Variants in PTPRN2 observed in about 807,000 individuals in gnomAD.
PTPRN2 encodes the protein receptor-type tyrosine-protein phosphatase N2.
PTPRN2 carries 74 observed loss-of-function variants against 118.8 expected under a neutral mutation model. The observed-to-expected ratio is 0.62, with a 90% CI of 0.52 to 0.76. The LOEUF (loss-of-function observed/expected upper bound fraction) is 0.76, where lower values mean the gene tolerates loss of function less well. Ranked by LOEUF, PTPRN2 falls within the 30% of genes least tolerant of loss-of-function variation. The probability of loss-of-function intolerance (pLI) is 0.00; values close to 1 mark genes in which losing one functional copy is unlikely to be tolerated. For synonymous variants in PTPRN2, 641 were observed against 608.0 expected (o/e 1.05, Z -0.80); for missense variants, 1,481 against 1,394.4 (o/e 1.06, Z -0.99).
intron 11 of PTPRN2, among the ~76,000 whole-genome samples, chr7:157,962,624 A>G (rs1392274263): frequency 2.0e-5 from 3 of 152,242 alleles, no homozygotes; most frequent in South Asian, 4.1e-4. Flanking sequence ...GGTCAGGTGC[A>G]GCCTGCACAT....
At chr7:158,411,557 G>A (rs149107186) in intron 2 of PTPRN2, among the ~76,000 whole-genome samples, 120 of 152,298 alleles carry the variant, frequency 7.9e-4, no homozygotes, top group South Asian at 3.9e-3. Flanking sequence ...CCCTTCCCGT[G>A]GGAGATGGGA....
At chr7:158,216,663 C>G (rs1030267287) in intron 3 of PTPRN2, among the ~76,000 whole-genome samples, 15 of 151,944 alleles carry the variant, frequency 9.9e-5, no homozygotes, top group African/African-American at 3.6e-4. Context: ...GAAGATACAG[C>G]AATCCTATAT....
chr7:158,327,372 CACATT>C (rs1237158172), intron 2 of PTPRN2, among the ~76,000 whole-genome samples: 75 of 126,870 alleles, frequency 5.9e-4, no homozygotes, highest in South Asian at 4.4e-3. Context: ...TTGTCACACA[CACATT>C]ATCACATGCA....
chr7:157,878,423 G>A (rs1395966699), intron 12 of PTPRN2, among the ~76,000 whole-genome samples: 11 of 140,834 alleles, frequency 7.8e-5, no homozygotes, highest in Non-Finnish European at 1.4e-4. Flanking sequence ...GTGTGATACC[G>A]TGCACCCACG....
chr7:158,062,484 C>T (rs1245822031), intron 11 of PTPRN2, among the ~76,000 whole-genome samples: 9 of 152,234 alleles, frequency 5.9e-5, no homozygotes, highest in Admixed American at 5.9e-4. Flanking sequence ...CTTGAGGAGC[C>T]CTTCAGCTCA....
intron 12 of PTPRN2, among the ~76,000 whole-genome samples, chr7:157,786,608 G>C (rs1261785841): frequency 6.6e-6 from 1 of 152,218 alleles, no homozygotes. Flanking sequence ...ACTCTCAGGA[G>C]CCTCACTATG....
rs922606820 is a variant in PTPRN2, at chr7:157,796,087, G to C, written c.1788+102586C>G. Among the ~76,000 whole-genome samples the C allele has an allele frequency of 5.3e-5, 8 of 152,322 alleles. No individual in the cohort carries two copies. The South Asian group carries it at 1.7e-3, about 32-fold the overall frequency. ...CACGCGTTCCAGGACGTGAGATACG[G>C]CCTCCACATCAATCAGAGGGACCTG... On this transcript the variant is annotated intron_variant, in intron 12 of 22. Coordinates refer to ENST00000389418, the MANE Select transcript of PTPRN2 (RefSeq NM_002847.5).
chr7:158,313,780 T>C (rs1467067382), intron 3 of PTPRN2, among the ~76,000 whole-genome samples: 2 of 152,254 alleles, frequency 1.3e-5, no homozygotes, highest in Middle Eastern at 6.3e-3. Context: ...GGTTAGATTA[T>C]TGTCATGTAA....
intron 12 of PTPRN2, among the ~76,000 whole-genome samples, chr7:157,877,880 G>A (rs1490719513): frequency 6.6e-6 from 1 of 152,194 alleles, no homozygotes; most frequent in Admixed American, 6.5e-5. Flanking sequence ...GCTTGACCGG[G>A]GAGAAGAGGA....
intron 12 of PTPRN2, among the ~76,000 whole-genome samples, chr7:157,700,342 A>G (rs150735279): frequency 1.3e-5 from 2 of 152,330 alleles, no homozygotes; most frequent in East Asian, 3.9e-4. Flanking sequence ...AGCACCTCTG[A>G]GTGACACTGC....
chr7:158,289,429 A>T (rs941446218), intron 3 of PTPRN2, among the ~76,000 whole-genome samples: 1 of 152,088 alleles, frequency 6.6e-6, no homozygotes, highest in African/African-American at 2.4e-5. Context: ...TGTTTCATCA[A>T]TTCTGCAGTT....
intron 2 of PTPRN2, among the ~76,000 whole-genome samples, chr7:158,467,234 T>C (rs1733147): frequency 0.69 from 104,886 of 151,928 alleles, 36,454 homozygotes; most frequent in Admixed American, 0.78. Context: ...CTATTCAGGT[T>C]CTTTGCCCTT....
intron 3 of PTPRN2, among the ~76,000 whole-genome samples, chr7:158,278,934 T>C (rs534504528): frequency 2.8e-4 from 43 of 152,334 alleles, no homozygotes; most frequent in South Asian, 1.5e-3. Context: ...CCGGAGTTGT[T>C]CATTCCTCGT....
intron 2 of PTPRN2, among the ~76,000 whole-genome samples, chr7:158,328,317 C>T (rs1419087419): frequency 5.3e-5 from 8 of 152,210 alleles, no homozygotes; most frequent in Non-Finnish European, 1.0e-4. Flanking sequence ...CCGTGGGCTG[C>T]GTCCAAGGCA....
chr7:158,181,086 T>C (rs1353094185), intron 5 of PTPRN2, among the ~76,000 whole-genome samples: 2 of 152,222 alleles, frequency 1.3e-5, no homozygotes, highest in Non-Finnish European at 1.5e-5. Flanking sequence ...TTATCATATA[T>C]GGCTTTTATT....
At chr7:158,330,558 C>A (rs1804160532) in intron 2 of PTPRN2, among the ~76,000 whole-genome samples, 2 of 57,418 alleles carry the variant, frequency 3.5e-5, no homozygotes, top group African/African-American at 6.0e-5. Context: ...ACGTCACTCA[C>A]ACCCACACTC....
chr7:158,322,809 G>A (rs557580094), intron 2 of PTPRN2, among the ~76,000 whole-genome samples: 4 of 152,270 alleles, frequency 2.6e-5, no homozygotes, highest in Non-Finnish European at 5.9e-5. Flanking sequence ...AGGCAGGGCA[G>A]GCTCTTGAAT....
At chr7:157,695,735 G>C (rs1306104762) in intron 12 of PTPRN2, among the ~76,000 whole-genome samples, 1 of 152,224 alleles carries the variant, frequency 6.6e-6, no homozygotes, top group African/African-American at 2.4e-5. Context: ...ATATTTGGAA[G>C]AGCATCAGAC....
At chr7:158,269,109 G>A (rs1001200307) in intron 3 of PTPRN2, among the ~76,000 whole-genome samples, 5 of 152,186 alleles carry the variant, frequency 3.3e-5, no homozygotes, top group Non-Finnish European at 7.3e-5. Flanking sequence ...GGCCCCTCAG[G>A]AGTCGCCACT....
Sources: allele counts gnomAD v4.1 joint callset (sites outside exome capture counted in the v4.1 genomes callset), GRCh38; gene constraint gnomAD v4.1.1; transcripts MANE v1.5; gene names NCBI Gene and HGNC (gene_info 2026-07-23, HGNC 2026-07-21).